Variants in PSTK observed in about 807,000 individuals in gnomAD.
PSTK encodes phosphoseryl-tRNA kinase.
PSTK carries 26 observed loss-of-function variants against 38.6 expected under a neutral mutation model. That is an observed-to-expected ratio of 0.67 (90% CI 0.49 to 0.94). PSTK has a LOEUF of 0.94. PSTK is among the 40% of genes least tolerant of loss of function. The pLI is 0.00. For synonymous variants in PSTK, 181 were observed against 161.7 expected (o/e 1.12, Z -0.91); for missense variants, 445 against 436.3 (o/e 1.02, Z -0.18).
At position 122,980,911 on chromosome 10, in the gene PSTK, T is replaced by C. The variant is rs911661866; in HGVS notation, c.216+216T>C. On this transcript the variant is annotated intron_variant, in intron 1 of 5. Coordinates refer to ENST00000406217, the MANE Select transcript of PSTK (RefSeq NM_001363531.2). The surrounding 1 kb of genome is among the most constrained non-coding windows in gnomAD (Gnocchi z 4.3). ...AGAAAGTGGTTACAAAGCCAACTGTTAGAACGATGCATTTTAGATGCTTAT... is the reference window on the plus strand; with the variant it reads ...AGAAAGTGGTTACAAAGCCAACTGTCAGAACGATGCATTTTAGATGCTTAT... 1.2e-4 allele frequency: 78 copies of C among 626,872 alleles called. No homozygotes were observed. The Admixed American group carries it at 2.0e-3, about 16-fold the overall frequency. 38.8% of individuals were successfully genotyped at this position (626,872 alleles called of 1,614,324 possible). A position where few individuals can be genotyped will look rare whatever the true frequency, so the allele number is the denominator to read the frequency against.
chr10:122,986,229 A>C, intron 3 of PSTK, 71 bp from the exon 4 acceptor site: 1 of 162,188 alleles, frequency 6.2e-6, no homozygotes, highest in Non-Finnish European at 1.1e-5. Context: ...ACTCCATCTC[A>C]AAAAAAAAAA....
rs1400477949 is a variant in PSTK, at chr10:122,980,591, C to G, written c.112C>G (p.Leu38Val). ...AGGAAAATCGACTTTCGCGCGCGCC[C>G]TCGCCCACCGGCTGCAGCAGGAGCA... The part of the protein sequence containing the change: ...AAGKSTFARA[L>V]AHRLQQEQGW... Residue 38 changes from leucine (L) to valine (V), a missense_variant, in exon 1 of 6, where the codon CTC becomes GTC. Coordinates refer to ENST00000406217, the MANE Select transcript of PSTK (RefSeq NM_001363531.2). This position sits in a 1 kb window ranked among gnomAD's most constrained non-coding sequence, Gnocchi z 4.3. 1.9e-6 allele frequency: 3 copies of G among 1,611,990 alleles called. No individual in the cohort carries two copies. Among genetic ancestry groups the G allele is most frequent in the Non-Finnish European group, 1.7e-6 (2 of 1,179,572 alleles).
intron 5 of PSTK, among the ~76,000 whole-genome samples, chr10:122,988,230 G>T (rs1260872919): frequency 6.6e-6 from 1 of 151,994 alleles, no homozygotes; most frequent in Non-Finnish European, 1.5e-5. Flanking sequence ...AATAAAATAA[G>T]ACAAAAAATA....
intron 1 of PSTK, among the ~76,000 whole-genome samples, chr10:122,981,474 T>G: frequency 6.6e-6 from 1 of 152,238 alleles, no homozygotes; most frequent in Admixed American, 6.5e-5. Flanking sequence ...AAGAGTAGAT[T>G]ACATTCGTGT....
intron 2 of PSTK, 105 bp downstream of exon 2, chr10:122,983,129 T>C: frequency 7.9e-7 from 1 of 1,257,866 alleles, no homozygotes; most frequent in Non-Finnish European, 1.1e-6. Context: ...TTATGTAGAT[T>C]TACTTAATTT....
Position 122,982,705 on chromosome 10 carries a change from T to C in PSTK, c.217-28T>C. ...GACTGACCACCCTAGTGGCCTAATA[T>C]GAATTGCAATTCTTTGGTCTCTTGT... On this transcript the variant is annotated intron_variant, in intron 1 of 5. Transcript: ENST00000406217. 3 of 1,608,202 alleles carry C rather than the reference T, an allele frequency of 1.9e-6. No homozygotes were observed. The East Asian group carries it at 6.7e-5, about 36-fold the overall frequency.
intron 3 of PSTK, 124 bp downstream of exon 3, chr10:122,983,594 T>A (rs1173924058): frequency 1.2e-6 from 1 of 832,146 alleles, no homozygotes; most frequent in Non-Finnish European, 1.8e-6. Flanking sequence ...CCCCACTTTG[T>A]GTGGAAGCTA....
chr10:122,987,256 T>G, intron 5 of PSTK: 4 of 1,506,414 alleles, frequency 2.7e-6, no homozygotes, highest in Non-Finnish European at 3.6e-6. Flanking sequence ...CATGATTACA[T>G]GAGTATATGC....
intron 1 of PSTK, chr10:122,982,189 CT>C (rs1564729761): frequency 2.6e-5 from 4 of 152,392 alleles, no homozygotes. Flanking sequence ...GACTTTTCAC[CT>C]GATCTTTTTG....
intron 5 of PSTK, among the ~76,000 whole-genome samples, chr10:122,989,284 C>G (rs1205051170): frequency 6.6e-6 from 1 of 152,080 alleles, no homozygotes; most frequent in African/African-American, 2.4e-5. Context: ...TGGAGTCTTG[C>G]TCTGTTGCCC....
In PSTK at chr10:122,980,877, G is replaced by A. The variant is rs1278383456; in HGVS notation, c.216+182G>A. On this transcript the variant is annotated intron_variant, in intron 1 of 5. Transcript: ENST00000406217. This position sits in a 1 kb window ranked among gnomAD's most constrained non-coding sequence, Gnocchi z 4.3. ...CATAGTTACTGCAGAGGGTGAATGC[G>A]TTGGCTGTAGAAAGTGGTTACAAAG... The A allele has an allele frequency of 3.2e-6, 3 of 943,342 alleles. No individual in the cohort carries two copies. The highest frequency in any genetic ancestry group is 3.5e-5 in the African/African-American group (2 of 56,468). 58.4% of individuals were successfully genotyped at this position (943,342 alleles called of 1,614,324 possible).
At chr10:122,983,122 T>C in intron 2 of PSTK, 98 bp downstream of exon 2, 3 of 1,285,230 alleles carry the variant, frequency 2.3e-6, no homozygotes, top group Admixed American at 2.4e-5. Flanking sequence ...TAGGAGGTTA[T>C]GTAGATTTAC....
intron 3 of PSTK, chr10:122,985,270 T>C (rs1361921549): frequency 2.0e-5 from 3 of 152,358 alleles, no homozygotes; most frequent in African/African-American, 4.8e-5. Flanking sequence ...CACATTCTTA[T>C]ACTTGACTGC....
Position 122,986,316 on chromosome 10 carries a change from T to G in PSTK, c.724T>G (p.Leu242Val). 2 of 1,609,782 alleles carry G rather than the reference T, an allele frequency of 1.2e-6. No individual in the cohort carries two copies. The highest frequency in any genetic ancestry group is 1.3e-5 in the African/African-American group (1 of 74,834). Reference sequence around the variant, plus strand: ...TCTCTGTAGCCTGGAAGTGACTGATTTATTGCTCACTGCTTTGGAAAATCC... The same window carrying G: ...TCTCTGTAGCCTGGAAGTGACTGATGTATTGCTCACTGCTTTGGAAAATCC... ...ASEASLEVTD[L>V]LLTALENPVK... Residue 242 changes from leucine to valine, a missense_variant, in exon 4 of 6, where the codon TTA becomes GTA. Transcript: ENST00000406217.
At chr10:122,987,933 T>G (rs989941720) in intron 5 of PSTK, among the ~76,000 whole-genome samples, 1 of 152,244 alleles carries the variant, frequency 6.6e-6, no homozygotes. Flanking sequence ...CATCATTTAT[T>G]ACCTTTACAA....
chr10:122,987,079 AATTT>A (rs1473525002), intron 5 of PSTK, 117 bp downstream of exon 5: 2 of 884,298 alleles, frequency 2.3e-6, no homozygotes, highest in Non-Finnish European at 3.6e-6. Flanking sequence ...TCATGTTTTC[AATTT>A]AATTATGCAA....
intron 5 of PSTK, among the ~76,000 whole-genome samples, chr10:122,989,247 G>C (rs1849084556): frequency 6.6e-6 from 1 of 151,700 alleles, no homozygotes; most frequent in Non-Finnish European, 1.5e-5. Context: ...AAAGGATATG[G>C]GTTTTTGTTT....
chr10:122,986,160 G>A (rs562951038), intron 3 of PSTK, 140 bp from the exon 4 acceptor site: 299 of 445,878 alleles, frequency 6.7e-4, no homozygotes, highest in Non-Finnish European at 1.0e-3. Flanking sequence ...AGCAGAGCTT[G>A]CAGTGAGCAG....
In PSTK at chr10:122,980,711, C is replaced by A; in HGVS notation, c.216+16C>A. 1.1e-6 allele frequency: 1 copy of A among 905,806 alleles called. No individual in the cohort carries two copies. The allele number at this position is 905,806 out of a possible 1,614,324, so 56.1% of individuals were successfully genotyped here. On this transcript the variant is annotated intron_variant, in intron 1 of 5. Transcript: ENST00000406217. The surrounding 1 kb of genome is among the most constrained non-coding windows in gnomAD (Gnocchi z 4.3). ...GCGACCGGCGGTCAGCACGGAGGGG[C>A]GGGGCCTGGGCCGCGGGGCGGGGCG...
Sources: gnomAD v4.1 joint callset for allele counts (sites outside exome capture counted in the v4.1 genomes callset) on GRCh38, gnomAD v4.1.1 for gene constraint, Gnocchi (gnomAD v3.1) non-coding constraint, MANE v1.5 for transcripts, NCBI Gene and HGNC (gene_info 2026-07-23, HGNC 2026-07-21) for gene names.